Variants in PCSK5 observed in about 807,000 individuals in gnomAD.
PCSK5 encodes the protein proprotein convertase subtilisin/kexin type 5.
Under a neutral mutation model 233.2 loss-of-function variants are expected in PCSK5, and 129 were observed. The ratio of observed to expected loss-of-function variants is 0.55; its 90% CI spans 0.48 to 0.64. The LOEUF is 0.64. Among genes scored for constraint, PCSK5 ranks in the 30% least tolerant of loss-of-function variants. PCSK5 has a pLI of 0.00. For missense variants in PCSK5, 2,076 were observed against 2,430.1 expected (o/e 0.85, Z 3.06); for synonymous variants, 825 against 879.2 (o/e 0.94, Z 1.09).
chr9:76,291,710 GT>G (rs966378050), intron 24 of PCSK5, among the ~76,000 whole-genome samples: 1 of 152,320 alleles, frequency 6.6e-6, no homozygotes, highest in Non-Finnish European at 1.5e-5. Context: ...GAACAAGACA[GT>G]TTTTTTAAGA....
intron 2 of PCSK5, among the ~76,000 whole-genome samples, chr9:75,969,840 C>G (rs1825741986): frequency 6.6e-6 from 1 of 151,258 alleles, no homozygotes; most frequent in Admixed American, 6.6e-5. Flanking sequence ...AGCGAGAATT[C>G]TCAAACACGG....
intron 3 of PCSK5, among the ~76,000 whole-genome samples, chr9:75,995,611 G>T (rs1188934991): frequency 6.6e-6 from 1 of 152,072 alleles, no homozygotes; most frequent in East Asian, 1.9e-4. Flanking sequence ...CTCATATCTG[G>T]TGTATTTACA....
chr9:76,179,852 C>T (rs1312905397), intron 15 of PCSK5, among the ~76,000 whole-genome samples, 154 bp downstream of exon 15: 1 of 152,052 alleles, frequency 6.6e-6, no homozygotes, highest in African/African-American at 2.4e-5. Flanking sequence ...CTGTGCAGGC[C>T]GACTGCCTCC....
At chr9:76,115,226 C>T (rs1271296060) in intron 9 of PCSK5, among the ~76,000 whole-genome samples, 30 of 152,000 alleles carry the variant, frequency 2.0e-4, no homozygotes, top group Admixed American at 2.0e-3. Context: ...AGACCTGTAG[C>T]AAATTTCTCT....
chr9:76,090,543 CTA>C (rs1831242744), intron 7 of PCSK5, among the ~76,000 whole-genome samples: 1 of 152,176 alleles, frequency 6.6e-6, no homozygotes, highest in South Asian at 2.1e-4. Context: ...ATGGCAGTCT[CTA>C]TGCATTCTGT....
chr9:76,333,147 C>G (rs1422797755), intron 34 of PCSK5, among the ~76,000 whole-genome samples: 1 of 152,188 alleles, frequency 6.6e-6, no homozygotes, highest in Non-Finnish European at 1.5e-5. Flanking sequence ...CACTGCACTC[C>G]AGCCTCAGTG....
At chr9:76,337,841 A>T (rs911254783) in intron 34 of PCSK5, among the ~76,000 whole-genome samples, 9 of 47,592 alleles carry the variant, frequency 1.9e-4, no homozygotes, top group African/African-American at 5.3e-4. Context: ...TCTCTGTTTT[A>T]AAAAAAAAAA....
chr9:76,334,886 T>A (rs1036723987), intron 34 of PCSK5, among the ~76,000 whole-genome samples: 1 of 152,162 alleles, frequency 6.6e-6, no homozygotes, highest in Admixed American at 6.5e-5. Context: ...ACGACCAGCC[T>A]TGCCAACATG....
intron 14 of PCSK5, among the ~76,000 whole-genome samples, chr9:76,177,506 A>T (rs1180742333): frequency 6.6e-6 from 1 of 152,224 alleles, no homozygotes; most frequent in Non-Finnish European, 1.5e-5. Context: ...ACATGCTTGA[A>T]ATTAAGACCA....
chr9:76,062,886 T>C (rs998493041), intron 5 of PCSK5, among the ~76,000 whole-genome samples: 4 of 152,210 alleles, frequency 2.6e-5, no homozygotes, highest in Non-Finnish European at 5.9e-5. Flanking sequence ...TATTGAACAC[T>C]AGACCTTATT....
intron 5 of PCSK5, among the ~76,000 whole-genome samples, chr9:76,046,477 A>G (rs1563993311): frequency 2.0e-5 from 3 of 148,130 alleles, no homozygotes; most frequent in Non-Finnish European, 3.0e-5. Context: ...CGCCCAGCCA[A>G]TTTTTTCTTT....
Position 75,932,298 on chromosome 9 carries a change from A to G in PCSK5, c.193-81A>G, listed in dbSNP as rs1450093084. Reference sequence around the variant, plus strand: ...TTTTTTGTTTTGTGTTCCTTTTTAAATGAAAAACAGGAAAACAGAAGACGG... The same window carrying G: ...TTTTTTGTTTTGTGTTCCTTTTTAAGTGAAAAACAGGAAAACAGAAGACGG... On this transcript the variant is annotated intron_variant, in intron 1 of 37. Coordinates refer to ENST00000674117, the MANE Select transcript of PCSK5 (RefSeq NM_001372043.1). 5.8e-6 allele frequency: 5 copies of G among 866,508 alleles called. No individual in the cohort carries two copies. In the East Asian group the frequency reaches 1.2e-4, roughly 21 times the overall value. The allele number at this position is 866,508 out of a possible 1,614,324, so 53.7% of individuals were successfully genotyped here.
intron 20 of PCSK5, among the ~76,000 whole-genome samples, chr9:76,217,039 C>T (rs1825559915): frequency 1.3e-5 from 2 of 152,118 alleles, no homozygotes; most frequent in African/African-American, 4.8e-5. Flanking sequence ...GGAGTTTCAC[C>T]ATGTTGGCCA....
chr9:76,265,578 A>T (rs1827309727), intron 24 of PCSK5, among the ~76,000 whole-genome samples: 1 of 152,144 alleles, frequency 6.6e-6, no homozygotes, highest in African/African-American at 2.4e-5. Context: ...AATAATTGGA[A>T]TATAGGTGGG....
At chr9:75,904,766 G>C (rs1826188483) in intron 1 of PCSK5, among the ~76,000 whole-genome samples, 2 of 152,150 alleles carry the variant, frequency 1.3e-5, no homozygotes, top group Admixed American at 6.5e-5. Flanking sequence ...GAAACATACA[G>C]CTACTCTATG....
chr9:76,332,563 G>C lies in PCSK5; in HGVS notation c.4701G>C (p.Pro1567=), dbSNP rs770588439. 3.7e-6 allele frequency: 6 copies of C among 1,609,846 alleles called. No homozygotes were observed. The highest frequency in any genetic ancestry group is 2.7e-5 in the African/African-American group (2 of 74,892). ...GCAGGCAGTGCCACTCCTGCCGACCGGGCTGGTTCCAGCTAGGAAAAGAGT... is the reference window on the plus strand; with the variant it reads ...GCAGGCAGTGCCACTCCTGCCGACCCGGCTGGTTCCAGCTAGGAAAAGAGT... ...RHSRQCHSCR[P]GWFQLGKECL... The change falls in exon 34 of 38, where the codon CCG becomes CCC. Residue 1567 remains proline, a synonymous_variant. Transcript: ENST00000674117.
Position 76,302,128 on chromosome 9 carries a change from A to G in PCSK5, c.3524-9A>G, listed in dbSNP as rs999968746. 3 of 1,279,094 alleles carry G rather than the reference A, an allele frequency of 2.3e-6. No individual in the cohort carries two copies. Among genetic ancestry groups the G allele is most frequent in the African/African-American group, 3.2e-5 (2 of 63,356 alleles). The allele number at this position is 1,279,094 out of a possible 1,614,324, so 79.2% of individuals were successfully genotyped here. On this transcript the variant is annotated splice_polypyrimidine_tract_variant and intron_variant, in intron 27 of 37. Transcript: ENST00000674117. ...AAAAAACTAAACACTTTTTTTTTTA[A>G]TAAAAAAGAAGCTGTGTCCACTGCA...
chr9:75,917,066 G>A (rs930378927), intron 1 of PCSK5, among the ~76,000 whole-genome samples: 14 of 151,968 alleles, frequency 9.2e-5, no homozygotes, highest in Non-Finnish European at 1.3e-4. Context: ...CTACTCAGGG[G>A]GCTGAGGCAG....
intron 9 of PCSK5, among the ~76,000 whole-genome samples, chr9:76,123,810 C>G (rs901052878): frequency 6.6e-6 from 1 of 152,170 alleles, no homozygotes; most frequent in East Asian, 1.9e-4. Flanking sequence ...TCTGTATTCA[C>G]TCATGAAGGA....
Sources: allele counts gnomAD v4.1 joint callset (sites outside exome capture counted in the v4.1 genomes callset), GRCh38; gene constraint gnomAD v4.1.1; transcripts MANE v1.5; gene names NCBI Gene and HGNC (gene_info 2026-07-23, HGNC 2026-07-21).